Variants in PHACTR1 observed in about 807,000 individuals in gnomAD.
PHACTR1 encodes phosphatase and actin regulator 1, also known as RPEL repeat containing 1.
PHACTR1 carries 16 observed loss-of-function variants against 69.2 expected under a neutral mutation model. The ratio of observed to expected loss-of-function variants is 0.23; its 90% CI spans 0.16 to 0.35. The LOEUF (loss-of-function observed/expected upper bound fraction) is 0.35, where lower values mean the gene tolerates loss of function less well. PHACTR1 is among the 10% of genes least tolerant of loss of function. The probability of loss-of-function intolerance (pLI) is 1.00; values close to 1 mark genes in which losing one functional copy is unlikely to be tolerated. For synonymous variants in PHACTR1, 312 were observed against 284.5 expected, an observed-to-expected ratio of 1.10 and a Z score of -0.97; for missense variants, 510 against 734.7, an observed-to-expected ratio of 0.69 and a Z score of 3.54.
Position 13,094,842 on chromosome 6 carries a change from C to A in PHACTR1, c.415+41313C>A, listed in dbSNP as rs141946997. ...ATATGCAACATTATTTAATCACTCA[C>A]CCCTTCTTTCTCCCTTTTATGGACT... On this transcript the variant is annotated intron_variant, in intron 5 of 14. Coordinates refer to ENST00000332995, the MANE Select transcript of PHACTR1 (RefSeq NM_030948.6). Among the ~76,000 whole-genome samples, 552 of 152,304 alleles carry A rather than the reference C, an allele frequency of 3.6e-3. 7 individuals carry two copies. The highest frequency in any genetic ancestry group is 0.013 in the African/African-American group (530 of 41,560).
At chr6:13,153,766 GT>G (rs1583610675) in intron 5 of PHACTR1, among the ~76,000 whole-genome samples, 1 of 152,116 alleles carries the variant, frequency 6.6e-6, no homozygotes, top group African/African-American at 2.4e-5. Flanking sequence ...GGATTTTTCT[GT>G]TTTGGTTCTA....
chr6:13,210,690 A>G (rs4715155), intron 8 of PHACTR1, among the ~76,000 whole-genome samples: 22,838 of 152,132 alleles, frequency 0.15, 2,616 homozygotes, highest in African/African-American at 0.3. Context: ...GGTCATTTGT[A>G]AGGATCAGAT....
At chr6:12,930,969 T>C (rs533966414) in intron 4 of PHACTR1, among the ~76,000 whole-genome samples, 68 of 142,528 alleles carry the variant, frequency 4.8e-4, no homozygotes, top group Non-Finnish European at 7.6e-4. Context: ...GGAGACTCAC[T>C]TGAACCTGGG....
chr6:13,043,757 T>G (rs995660933), intron 4 of PHACTR1, among the ~76,000 whole-genome samples: 1 of 152,214 alleles, frequency 6.6e-6, no homozygotes, highest in Non-Finnish European at 1.5e-5. Context: ...AGGCACTATT[T>G]ATTTAACTGC....
chr6:12,867,031 TGAAGAGAGAGAGAGAGAAG>T (rs1018858881), intron 4 of PHACTR1, among the ~76,000 whole-genome samples: 2 of 151,832 alleles, frequency 1.3e-5, no homozygotes, highest in Non-Finnish European at 2.9e-5. Flanking sequence ...GAACCTGTAG[TGAAGAGAGAGAGAGAGAAG>T]TTCACCAGGC....
At chr6:12,925,781 G>T (rs963593096) in intron 4 of PHACTR1, among the ~76,000 whole-genome samples, 3 of 152,048 alleles carry the variant, frequency 2.0e-5, no homozygotes, top group African/African-American at 7.2e-5. Flanking sequence ...GAACAAAATG[G>T]CCTGGGAGCT....
chr6:13,018,098 A>C (rs147372636), intron 4 of PHACTR1, among the ~76,000 whole-genome samples: 1 of 152,376 alleles, frequency 6.6e-6, no homozygotes, highest in East Asian at 1.9e-4. Context: ...AACTTTAGGA[A>C]TAACAATTTG....
At chr6:13,012,758 C>A (rs906090025) in intron 4 of PHACTR1, among the ~76,000 whole-genome samples, 3 of 152,166 alleles carry the variant, frequency 2.0e-5, no homozygotes, top group South Asian at 2.1e-4. Context: ...AAGGTGATAT[C>A]GGACTGGCGA....
rs568591067 is a variant in PHACTR1, at chr6:13,100,216, A to C, written c.415+46687A>C. 9.8e-5 allele frequency among the ~76,000 whole-genome samples: 15 copies of C among 152,306 alleles called. No homozygotes were observed. In the East Asian group the frequency reaches 2.1e-3, roughly 22 times the overall value. On this transcript the variant is annotated intron_variant, in intron 5 of 14. Transcript: ENST00000332995. ...TTAGTATAAGTTTTGGGGGATAAAG[A>C]CCCCAAGAAACAGGTAAACTTGTTA...
At chr6:13,138,303 G>A (rs577572704) in intron 5 of PHACTR1, among the ~76,000 whole-genome samples, 13 of 152,258 alleles carry the variant, frequency 8.5e-5, no homozygotes, top group African/African-American at 3.1e-4. Context: ...GACGTTCCTG[G>A]GTTGTAGAAG....
At chr6:12,729,302 A>T (rs1763185175) in intron 3 of PHACTR1, among the ~76,000 whole-genome samples, 1 of 152,216 alleles carries the variant, frequency 6.6e-6, no homozygotes, top group African/African-American at 2.4e-5. Flanking sequence ...ACATTAGCTA[A>T]ACTGTATTGA....
intron 4 of PHACTR1, among the ~76,000 whole-genome samples, chr6:12,784,005 CAT>C (rs1771161010): frequency 2.0e-5 from 3 of 151,314 alleles, no homozygotes; most frequent in African/African-American, 7.3e-5. Context: ...CACATACACA[CAT>C]ATACATGATG....
chr6:13,206,030 C>A lies in PHACTR1; in HGVS notation c.880C>A (p.Gln294Lys), dbSNP rs761205812. Residue 294 changes from glutamine (Q) to lysine (K), a missense_variant, in exon 8 of 15, where the codon CAG becomes AAG. Transcript: ENST00000332995. ...QHQLQYGSHG[Q>K]HLPSTTGSLP... is the part of the protein sequence containing the mutation. ...CCAGCTGCAGTACGGCAGCCACGGC[C>A]AGCACCTCCCCTCCACCACCGGCTC... 7 of 1,613,936 alleles carry A rather than the reference C, an allele frequency of 4.3e-6. No homozygotes were observed. Among genetic ancestry groups the A allele is most frequent in the Non-Finnish European group, 5.1e-6 (6 of 1,179,890 alleles).
At chr6:13,147,173 A>G (rs779805921) in intron 5 of PHACTR1, among the ~76,000 whole-genome samples, 18 of 152,334 alleles carry the variant, frequency 1.2e-4, no homozygotes, top group Admixed American at 5.9e-4. Context: ...CCACGTTCCC[A>G]TAATAAGGGA....
intron 4 of PHACTR1, among the ~76,000 whole-genome samples, chr6:12,764,681 A>G (rs1475501550): frequency 6.6e-6 from 1 of 152,126 alleles, no homozygotes; most frequent in Non-Finnish European, 1.5e-5. Flanking sequence ...GGTGGTGAAG[A>G]TTTAGAGGCT....
intron 4 of PHACTR1, among the ~76,000 whole-genome samples, chr6:12,992,223 T>G (rs147951076): frequency 2.0e-5 from 3 of 152,282 alleles, no homozygotes; most frequent in Admixed American, 6.5e-5. Context: ...GTAAATAAAT[T>G]GAAAATGAAG....
At chr6:13,000,732 G>T (rs1798010320) in intron 4 of PHACTR1, among the ~76,000 whole-genome samples, 1 of 152,050 alleles carries the variant, frequency 6.6e-6, no homozygotes, top group Non-Finnish European at 1.5e-5. Flanking sequence ...TATAGAGGAA[G>T]ATTAAGCCTG....
chr6:13,168,436 G>A (rs978206664), intron 6 of PHACTR1, among the ~76,000 whole-genome samples: 4 of 152,162 alleles, frequency 2.6e-5, no homozygotes, highest in South Asian at 2.1e-4. Context: ...GTGAGTAAGC[G>A]TTCCACATAA....
intron 4 of PHACTR1, among the ~76,000 whole-genome samples, chr6:12,871,492 A>T (rs542936902): frequency 1.3e-5 from 2 of 152,190 alleles, no homozygotes; most frequent in African/African-American, 4.8e-5. Flanking sequence ...TGGAAAATGG[A>T]TCCTTTAATC....
Sources: gnomAD v4.1 joint callset for allele counts (sites outside exome capture counted in the v4.1 genomes callset) on GRCh38, gnomAD v4.1.1 for gene constraint, MANE v1.5 for transcripts, NCBI Gene and HGNC (gene_info 2026-07-23, HGNC 2026-07-21) for gene names.